B4GALT6: variants seen among roughly 807,000 people sequenced by gnomAD.
The protein encoded by B4GALT6 is UDP-Gal:beta-GlcNAc beta-1,4-galactosyltransferase 6.
In B4GALT6, 14 loss-of-function variants were observed where a neutral mutation model predicts 46.3. The observed-to-expected ratio is 0.30, with a 90% CI of 0.20 to 0.47. The LOEUF is 0.47. B4GALT6 is among the 20% of genes least tolerant of loss of function. The pLI is 0.99. For missense variants in B4GALT6, 386 were observed against 480.1 expected, an observed-to-expected ratio of 0.80 and a Z score of 1.83; for synonymous variants, 168 against 162.0, an observed-to-expected ratio of 1.04 and a Z score of -0.28.
chr18:31,686,084 T>G (rs543492304), upstream of B4GALT6: 2 of 152,318 alleles, frequency 1.3e-5, no homozygotes, highest in Non-Finnish European at 2.9e-5. Context: ...TTCGTTCAAA[T>G]GTTTCTTCCT....
intron 2 of B4GALT6, among the ~76,000 whole-genome samples, chr18:31,663,530 C>G (rs1388849010): frequency 6.6e-6 from 1 of 152,156 alleles, no homozygotes; most frequent in African/African-American, 2.4e-5. Context: ...ATATTTGATG[C>G]CACAGAAAGT....
At chr18:31,628,509 G>A (rs2073732231) in intron 6 of B4GALT6, among the ~76,000 whole-genome samples, 1 of 152,202 alleles carries the variant, frequency 6.6e-6, no homozygotes, top group African/African-American at 2.4e-5. Flanking sequence ...ATAATGGAAA[G>A]TTATTAGGTA....
intron 1 of B4GALT6, among the ~76,000 whole-genome samples, chr18:31,679,906 T>C (rs570426665): frequency 6.6e-6 from 1 of 152,362 alleles, no homozygotes; most frequent in African/African-American, 2.4e-5. Flanking sequence ...TCTGCCCTGA[T>C]GAACTACCAA....
chr18:31,651,311 T>A (rs2074064146), intron 3 of B4GALT6, among the ~76,000 whole-genome samples: 1 of 152,120 alleles, frequency 6.6e-6, no homozygotes, highest in Non-Finnish European at 1.5e-5. Flanking sequence ...ATCATTTGGG[T>A]GGCAATACCT....
At chr18:31,679,919 T>C (rs1480270455) in intron 1 of B4GALT6, among the ~76,000 whole-genome samples, 1 of 152,190 alleles carries the variant, frequency 6.6e-6, no homozygotes, top group Admixed American at 6.5e-5. Context: ...ACTACCAACC[T>C]CGACAGTTCT....
upstream of B4GALT6, among the ~76,000 whole-genome samples, chr18:31,685,143 G>A (rs1239755719): frequency 6.8e-6 from 1 of 147,338 alleles, no homozygotes; most frequent in African/African-American, 2.5e-5. Flanking sequence ...ACAGGCCAGG[G>A]CGGCGTCCCG....
intron 5 of B4GALT6, among the ~76,000 whole-genome samples, chr18:31,633,450 T>C (rs1209345838): frequency 6.6e-6 from 1 of 152,156 alleles, no homozygotes; most frequent in Non-Finnish European, 1.5e-5. Flanking sequence ...ATACCAAAAG[T>C]GGTACAAGCT....
the B4GALT6 span, among the ~76,000 whole-genome samples, chr18:31,708,585 TTA>T: frequency 6.6e-6 from 1 of 150,596 alleles, no homozygotes; most frequent in Admixed American, 6.6e-5. Context: ...AAAATAAAAA[TTA>T]AAATTAAAAT....
chr18:31,705,147 T>G, the B4GALT6 span, among the ~76,000 whole-genome samples: 1 of 152,254 alleles, frequency 6.6e-6, no homozygotes, highest in Admixed American at 6.5e-5. Flanking sequence ...GTCTTTTTAC[T>G]GCCATATATG....
intron 1 of B4GALT6, among the ~76,000 whole-genome samples, chr18:31,675,277 A>G (rs1308451589): frequency 6.6e-6 from 1 of 152,222 alleles, no homozygotes; most frequent in Non-Finnish European, 1.5e-5. Context: ...GATCTTACTA[A>G]AAATGTTCAG....
intron 1 of B4GALT6, among the ~76,000 whole-genome samples, chr18:31,671,053 C>G (rs2074349589): frequency 6.6e-6 from 1 of 152,146 alleles, no homozygotes; most frequent in Non-Finnish European, 1.5e-5. Flanking sequence ...CCAGCTTCAT[C>G]CATGTCCCTG....
At position 31,650,443 on chromosome 18, in the gene B4GALT6, C is replaced by T. The variant is rs58896451; in HGVS notation, c.347-4964G>A. Among the ~76,000 whole-genome samples, 1,459 of 152,342 alleles carry T rather than the reference C, an allele frequency of 9.6e-3. 27 individuals carry two copies. The highest frequency in any genetic ancestry group is 0.034 in the African/African-American group (1,398 of 41,576). ...GTAGGAGTGGTCATATGACCAAATG[C>T]ACCCGAAGTGGTGGCAAAAGCTTCT... is the stretch of plus-strand genomic sequence containing the variant. On this transcript the variant is annotated intron_variant, in intron 3 of 8. Coordinates refer to ENST00000306851, the MANE Select transcript of B4GALT6 (RefSeq NM_004775.5).
At chr18:31,635,256 A>AG in intron 5 of B4GALT6, among the ~76,000 whole-genome samples, 1 of 152,090 alleles carries the variant, frequency 6.6e-6, no homozygotes, top group South Asian at 2.1e-4. Context: ...CAAAAAAAAA[A>AG]AAAACCAGAG....
chr18:31,668,424 T>C (rs1448781976), intron 1 of B4GALT6, among the ~76,000 whole-genome samples: 4 of 152,172 alleles, frequency 2.6e-5, no homozygotes, highest in Admixed American at 2.0e-4. Flanking sequence ...AATATACCCA[T>C]GTAACAAAGT....
At chr18:31,696,996 G>T in the B4GALT6 span, among the ~76,000 whole-genome samples, 1 of 152,198 alleles carries the variant, frequency 6.6e-6, no homozygotes, top group Non-Finnish European at 1.5e-5. Context: ...GCCAGGCGCG[G>T]TGGCTCACAC....
In B4GALT6 at chr18:31,626,321, A is replaced by G. The variant is rs1165889345; in HGVS notation, c.963T>C (p.Ile321=). 1.2e-6 allele frequency: 2 copies of G among 1,608,602 alleles called. No individual in the cohort carries two copies. Among genetic ancestry groups the G allele is most frequent in the African/African-American group, 2.7e-5 (2 of 74,752 alleles). Residue 321 remains isoleucine, a synonymous_variant, in exon 8 of 9, where the codon ATT becomes ATC. Coordinates refer to ENST00000306851, the MANE Select transcript of B4GALT6 (RefSeq NM_004775.5). The stretch of plus-strand genomic sequence containing the variant: ...GGACTTCACCTCTATGGTGATGAGG[A>G]ATTGACTTGTATTTTCCTAAGTCTC... ...PEGDLGKYKS[I]PHHHRGEVQF...
At chr18:31,681,143 A>C (rs898784765) in intron 1 of B4GALT6, among the ~76,000 whole-genome samples, 9 of 152,200 alleles carry the variant, frequency 5.9e-5, no homozygotes, top group Non-Finnish European at 1.2e-4. Context: ...TTGGGTGCAC[A>C]ACTCCTATTG....
intron 3 of B4GALT6, among the ~76,000 whole-genome samples, chr18:31,649,357 T>C (rs1196800577): frequency 6.6e-6 from 1 of 152,172 alleles, no homozygotes; most frequent in Admixed American, 6.5e-5. Flanking sequence ...GGGCAATGCC[T>C]GGACACAGAA....
At chr18:31,635,658 T>C (rs2073848610) in intron 5 of B4GALT6, among the ~76,000 whole-genome samples, 1 of 152,066 alleles carries the variant, frequency 6.6e-6, no homozygotes, top group Non-Finnish European at 1.5e-5. Context: ...AATTTGAGTA[T>C]TTTCCAAAAA....
Sources: gnomAD v4.1 joint callset for allele counts (sites outside exome capture counted in the v4.1 genomes callset) on GRCh38, gnomAD v4.1.1 for gene constraint, MANE v1.5 for transcripts, NCBI Gene and HGNC (gene_info 2026-07-23, HGNC 2026-07-21) for gene names.